Variants in CRACR2A observed in about 807,000 individuals in gnomAD.
CRACR2A encodes the protein EF-hand calcium-binding domain-containing protein 4B.
CRACR2A carries 79 observed loss-of-function variants against 90.5 expected under a neutral mutation model. The observed-to-expected ratio is 0.87, with a 90% CI of 0.73 to 1.05. The LOEUF is 1.05. CRACR2A is among the 50% of genes least tolerant of loss of function. The pLI is 0.00. For synonymous variants in CRACR2A, 338 were observed against 356.7 expected (o/e 0.95, Z 0.59); for missense variants, 823 against 897.2 (o/e 0.92, Z 1.06).
At chr12:3,708,657 C>T (rs1945967600) in intron 3 of CRACR2A, among the ~76,000 whole-genome samples, 1 of 152,160 alleles carries the variant, frequency 6.6e-6, no homozygotes, top group Non-Finnish European at 1.5e-5. Flanking sequence ...GTTCTCCTGA[C>T]CTCGTGATCC....
chr12:3,679,727 T>C (rs1340519019), intron 5 of CRACR2A, among the ~76,000 whole-genome samples: 2 of 152,230 alleles, frequency 1.3e-5, no homozygotes, highest in Non-Finnish European at 2.9e-5. Context: ...TTTCTTTATA[T>C]TGTTCATAGA....
intron 7 of CRACR2A, among the ~76,000 whole-genome samples, chr12:3,663,958 C>G (rs774508958): frequency 8.3e-4 from 126 of 152,330 alleles, no homozygotes; most frequent in Middle Eastern, 6.8e-3. Context: ...AAATGTAATG[C>G]TGTTAGATTT....
At chr12:3,648,333 T>C (rs1364682611) in intron 11 of CRACR2A, 20 of 1,467,720 alleles carry the variant, frequency 1.4e-5, no homozygotes, top group Non-Finnish European at 1.6e-5. Context: ...AGGAATAAAC[T>C]GGATGTGGGC....
At chr12:3,747,123 C>T (rs187084624) in intron 1 of CRACR2A, among the ~76,000 whole-genome samples, 6 of 152,312 alleles carry the variant, frequency 3.9e-5, no homozygotes, top group East Asian at 3.9e-4. Flanking sequence ...GGCTGTGGAA[C>T]GCTTGAGGAC....
intron 7 of CRACR2A, among the ~76,000 whole-genome samples, chr12:3,666,387 A>C (rs960575283): frequency 2.0e-5 from 3 of 147,848 alleles, no homozygotes; most frequent in African/African-American, 7.9e-5. Flanking sequence ...GCACGCGCGC[A>C]CACGCTCATG....
intron 17 of CRACR2A, among the ~76,000 whole-genome samples, chr12:3,626,349 T>C (rs768280923): frequency 2.0e-5 from 3 of 152,228 alleles, no homozygotes; most frequent in East Asian, 1.9e-4. Flanking sequence ...CAGGAGTTGT[T>C]GGTCTCATGC....
Position 3,654,403 on chromosome 12 carries a change from C to T in CRACR2A, c.859-4G>A. ...GGGCTGTGCACTGACCTTCCAGCTGCAAAGGAATGGGGAGCAGAGGGGAAT... is the reference window on the plus strand; with the variant it reads ...GGGCTGTGCACTGACCTTCCAGCTGTAAAGGAATGGGGAGCAGAGGGGAAT... On this transcript the variant is annotated splice_region_variant and splice_polypyrimidine_tract_variant and intron_variant, in intron 9 of 19. Coordinates refer to ENST00000440314, the MANE Select transcript of CRACR2A (RefSeq NM_001144958.2). The T allele has an allele frequency of 6.3e-7, 1 of 1,580,806 alleles. No homozygotes were observed. The highest frequency in any genetic ancestry group is 8.6e-7 in the Non-Finnish European group (1 of 1,165,270).
intron 10 of CRACR2A, among the ~76,000 whole-genome samples, chr12:3,653,679 G>A (rs1021321164): frequency 6.6e-6 from 1 of 152,142 alleles, no homozygotes; most frequent in African/African-American, 2.4e-5. Context: ...GAGGAACATG[G>A]TGAAAAAAAT....
At chr12:3,709,772 G>A (rs1201277579) in intron 3 of CRACR2A, among the ~76,000 whole-genome samples, 1 of 152,170 alleles carries the variant, frequency 6.6e-6, no homozygotes, top group Non-Finnish European at 1.5e-5. Context: ...GCGAGACTCC[G>A]TCTCAAGAAA....
intron 3 of CRACR2A, among the ~76,000 whole-genome samples, chr12:3,702,500 A>T (rs914560769): frequency 6.8e-6 from 1 of 146,678 alleles, no homozygotes; most frequent in African/African-American, 2.4e-5. Context: ...GTATTTATCT[A>T]TACTAACAAA....
At chr12:3,644,137 A>C (rs1480906852) in intron 12 of CRACR2A, among the ~76,000 whole-genome samples, 1 of 149,208 alleles carries the variant, frequency 6.7e-6, no homozygotes, top group African/African-American at 2.5e-5. Context: ...TCCCTATAGG[A>C]TAGAGAAAAA....
intron 1 of CRACR2A, among the ~76,000 whole-genome samples, chr12:3,745,974 C>G (rs1220562456): frequency 6.6e-6 from 1 of 151,996 alleles, no homozygotes; most frequent in African/African-American, 2.4e-5. Flanking sequence ...CTCCCTGACC[C>G]CATTCATGTC....
intron 1 of CRACR2A, among the ~76,000 whole-genome samples, chr12:3,751,493 T>A (rs1382243361): frequency 1.3e-5 from 2 of 152,198 alleles, no homozygotes; most frequent in African/African-American, 4.8e-5. Context: ...TAATGAAGTT[T>A]CTAGACTCGT....
Position 3,726,308 on chromosome 12 carries a change from C to T in CRACR2A, c.-118+6634G>A, listed in dbSNP as rs545090371. ...TTTGTATCATTCCAATTTTAGTATA[C>T]GTGCTGCCAAAGTGAGCACAGAAAT... On this transcript the variant is annotated intron_variant, in intron 2 of 19. Transcript: ENST00000440314. The T allele has an allele frequency of 1.7e-3, 259 of 152,142 alleles. 2 individuals are homozygous for T. Among genetic ancestry groups the T allele is most frequent in the African/African-American group, 6.0e-3 (251 of 41,492 alleles). The allele number at this position is 152,142 out of a possible 1,614,324, so 9.4% of individuals were successfully genotyped here. A position where few individuals can be genotyped will look rare whatever the true frequency, so the allele number is the denominator to read the frequency against.
chr12:3,648,812 T>G (rs1944741362), intron 10 of CRACR2A, among the ~76,000 whole-genome samples, 199 bp from the exon 11 acceptor site: 1 of 152,188 alleles, frequency 6.6e-6, no homozygotes. Flanking sequence ...GAACTTATCC[T>G]CATTTCACAG....
intron 1 of CRACR2A, among the ~76,000 whole-genome samples, chr12:3,736,389 A>C (rs1946450048): frequency 1.3e-5 from 2 of 151,954 alleles, no homozygotes; most frequent in Non-Finnish European, 2.9e-5. Flanking sequence ...TGGAAATTCT[A>C]CAGGAAGGAC....
At chr12:3,622,554 G>A (rs1944167444) in intron 17 of CRACR2A, among the ~76,000 whole-genome samples, 1 of 152,220 alleles carries the variant, frequency 6.6e-6, no homozygotes, top group Non-Finnish European at 1.5e-5. Flanking sequence ...AACAAGAGCT[G>A]TCAACTTGGA....
intron 7 of CRACR2A, among the ~76,000 whole-genome samples, chr12:3,665,257 C>T (rs1565481013): frequency 6.6e-6 from 1 of 152,212 alleles, no homozygotes; most frequent in Non-Finnish European, 1.5e-5. Context: ...CCTTTTCTTT[C>T]CCCATGATAG....
chr12:3,647,309 T>C (rs574890756), intron 11 of CRACR2A, among the ~76,000 whole-genome samples: 16 of 152,086 alleles, frequency 1.1e-4, no homozygotes, highest in African/African-American at 3.6e-4. Flanking sequence ...CATTGGGGCT[T>C]AAGCTTGGTA....
Sources: allele counts gnomAD v4.1 joint callset (sites outside exome capture counted in the v4.1 genomes callset), GRCh38; gene constraint gnomAD v4.1.1; transcripts MANE v1.5; gene names NCBI Gene and HGNC (gene_info 2026-07-23, HGNC 2026-07-21).